The following U2SURP variants were observed in gnomAD, a reference collection of about 807,000 sequenced individuals.
The protein encoded by U2SURP is U2 snRNP-associated SURP motif-containing protein.
U2SURP carries 9 observed loss-of-function variants against 144.9 expected under a neutral mutation model. The ratio of observed to expected loss-of-function variants is 0.06; its 90% CI spans 0.04 to 0.11. U2SURP has a LOEUF of 0.11. Ranked by LOEUF, U2SURP falls within the 10% of genes least tolerant of loss-of-function variation. The pLI is 1.00. For missense variants in U2SURP, 724 were observed against 1,226.7 expected (o/e 0.59, Z 6.12); for synonymous variants, 408 against 396.8 (o/e 1.03, Z -0.33).
chr3:143,010,447 A>T lies in U2SURP; in HGVS notation c.46-368A>T, dbSNP rs1351583822. Among the ~76,000 whole-genome samples, 7 of 152,282 alleles carry T rather than the reference A, an allele frequency of 4.6e-5. No homozygotes were observed. The East Asian group carries it at 1.2e-3, about 25-fold the overall frequency. ...GAGAGTTCTCGTGCTGTGGACCAAG[A>T]AGTTGCTGGGCAGTGCTGTGGCAGT... On this transcript the variant is annotated intron_variant, in intron 1 of 27. Coordinates refer to ENST00000473835, the MANE Select transcript of U2SURP (RefSeq NM_001080415.2).
chr3:143,045,578 G>A (rs1016339587), intron 24 of U2SURP, among the ~76,000 whole-genome samples: 2 of 152,038 alleles, frequency 1.3e-5, no homozygotes, highest in African/African-American at 4.8e-5. Flanking sequence ...AACTTAGGTC[G>A]TTTTTACAAA....
chr3:143,033,312 T>G lies in U2SURP; in HGVS notation c.1815T>G (p.Ser605=). 6 of 1,543,824 alleles carry G rather than the reference T, an allele frequency of 3.9e-6. No homozygotes were observed. Among genetic ancestry groups the G allele is most frequent in the Non-Finnish European group, 5.3e-6 (6 of 1,140,778 alleles). ...LYLVSDVLYN[S]SAKVANASYY... ...TGGTTTCTGATGTTTTGTACAACTC[T>G]TCAGCCAAAGTTGCTAATGCTTCAT... The change falls in exon 18 of 28, where the codon TCT becomes TCG. Residue 605 remains serine (S), a synonymous_variant. Transcript: ENST00000473835.
intron 3 of U2SURP, among the ~76,000 whole-genome samples, chr3:143,013,926 G>A (rs568793485): frequency 3.9e-5 from 6 of 152,082 alleles, no homozygotes; most frequent in African/African-American, 1.4e-4. Context: ...CCATGGAAAT[G>A]TTTGCCTCCA....
intron 26 of U2SURP, 43 bp from the exon 27 acceptor site, chr3:143,054,900 C>T (rs906865782): frequency 4.0e-6 from 6 of 1,515,162 alleles, no homozygotes; most frequent in Middle Eastern, 3.5e-4. Context: ...AATACCCGAT[C>T]CTTTGCTCAT....
intron 12 of U2SURP, chr3:143,023,409 C>A (rs1379963453): frequency 3.1e-5 from 6 of 193,116 alleles, no homozygotes; most frequent in Middle Eastern, 2.2e-3. Context: ...ATTAGAAAGA[C>A]CTCCTAAGTA....
intron 7 of U2SURP, 132 bp from the exon 8 acceptor site, chr3:143,020,467 T>C: frequency 1.5e-6 from 1 of 650,654 alleles, no homozygotes; most frequent in South Asian, 2.0e-5. Context: ...CCCTCTAATC[T>C]TGGTTATCAG....
Position 143,037,240 on chromosome 3 carries a change from A to G in U2SURP, c.2126A>G (p.Glu709Gly). Residue 709 changes from glutamate to glycine, a missense_variant, in exon 21 of 28, where the codon GAA becomes GGA. Physicochemically the swap from Glu to Gly is moderately conservative, Grantham distance 98. This residue lies in a region of U2SURP where 116 missense variants were observed against 167.9 expected (regional missense o/e 0.69). Transcript: ENST00000473835. ...GAAGAGCTTGATGGTGCACCTCTGG[A>G]AGATGTAGATGGAATTCCTATTGAT... ...IEEELDGAPL[E>G]DVDGIPIDAT... The G allele has an allele frequency of 6.2e-7, 1 of 1,612,724 alleles. No individual in the cohort carries two copies. The highest frequency in any genetic ancestry group is 8.5e-7 in the Non-Finnish European group (1 of 1,179,322).
chr3:143,010,128 A>G (rs939961669), intron 1 of U2SURP, among the ~76,000 whole-genome samples: 2 of 152,224 alleles, frequency 1.3e-5, no homozygotes, highest in African/African-American at 4.8e-5. Context: ...TTGTCTTTAC[A>G]TGTGTAGTGG....
intron 25 of U2SURP, among the ~76,000 whole-genome samples, chr3:143,051,310 A>G (rs1348913073): frequency 1.3e-5 from 2 of 152,232 alleles, no homozygotes; most frequent in Non-Finnish European, 2.9e-5. Context: ...CATGCTTTCA[A>G]AACTGGAAAA....
chr3:143,030,355 A>G (rs778261370), intron 16 of U2SURP, among the ~76,000 whole-genome samples: 3 of 152,252 alleles, frequency 2.0e-5, no homozygotes, highest in Non-Finnish European at 2.9e-5. Context: ...TTAAGAATTT[A>G]TGCTAAATCA....
Position 143,032,771 on chromosome 3 carries a change from A to C in U2SURP, c.1611-13A>C. The C allele has an allele frequency of 1.9e-6, 3 of 1,601,930 alleles. No individual in the cohort carries two copies. The highest frequency in any genetic ancestry group is 1.7e-6 in the Non-Finnish European group (2 of 1,175,418). On this transcript the variant is annotated splice_polypyrimidine_tract_variant and intron_variant, in intron 16 of 27. Transcript: ENST00000473835. ...TATCTAAATATTTATAAGTTAAAAC[A>C]ATTTATGTTCAGACAGAGGGATAAA... is the stretch of plus-strand genomic sequence containing the variant.
chr3:143,008,043 G>T (rs1935935070), intron 1 of U2SURP, among the ~76,000 whole-genome samples: 1 of 152,246 alleles, frequency 6.6e-6, no homozygotes, highest in South Asian at 2.1e-4. Flanking sequence ...GACATCTTAA[G>T]CTAACTGAAA....
Position 143,060,636 on chromosome 3 carries a change from A to T in U2SURP, c.*4186A>T, listed in dbSNP as rs1935331856. On this transcript the variant is annotated 3_prime_UTR_variant, in exon 28 of 28. Coordinates refer to ENST00000473835, the MANE Select transcript of U2SURP (RefSeq NM_001080415.2). ...TTTTTAGCAGCTTTCTCTCAAGTGAAATAAGTGATGTGACATGTTTATCAG... is the reference window on the plus strand; with the variant it reads ...TTTTTAGCAGCTTTCTCTCAAGTGATATAAGTGATGTGACATGTTTATCAG... 6.6e-6 allele frequency: 1 copy of T among 152,064 alleles called. No homozygotes were observed. The highest frequency in any genetic ancestry group is 1.5e-5 in the Non-Finnish European group (1 of 67,906). The allele number at this position is 152,064 out of a possible 1,614,324, so 9.4% of individuals were successfully genotyped here.
intron 24 of U2SURP, among the ~76,000 whole-genome samples, chr3:143,049,265 CAAAAAA>C (rs200930787): frequency 7.4e-5 from 6 of 81,518 alleles, no homozygotes; most frequent in African/African-American, 2.5e-4. Context: ...GACTCCATCT[CAAAAAA>C]AAAAAAAAAA....
intron 1 of U2SURP, among the ~76,000 whole-genome samples, chr3:143,008,989 C>G (rs995859778): frequency 1.3e-5 from 2 of 152,170 alleles, no homozygotes; most frequent in African/African-American, 4.8e-5. Context: ...ATCCACCCGC[C>G]TCGGCCTCCC....
At chr3:143,016,497 A>G (rs1212793305) in intron 5 of U2SURP, 126 bp downstream of exon 5, 3 of 844,912 alleles carry the variant, frequency 3.6e-6, no homozygotes, top group Non-Finnish European at 5.5e-6. Context: ...TTTGAATTTT[A>G]CATTTTCTAT....
At chr3:143,045,366 C>CCA (rs1934376365) in intron 24 of U2SURP, among the ~76,000 whole-genome samples, 4 of 75,424 alleles carry the variant, frequency 5.3e-5, no homozygotes, top group African/African-American at 2.1e-4. Context: ...GAGACGCCGT[C>CCA]AAAAAAAAAA....
At chr3:143,047,587 A>T (rs1295186642) in intron 24 of U2SURP, among the ~76,000 whole-genome samples, 1 of 24,054 alleles carries the variant, frequency 4.2e-5, no homozygotes, top group African/African-American at 2.2e-4. Context: ...GACCCCCCCC[A>T]CCTCCCTCCC....
At chr3:143,013,875 T>C (rs188657130) in intron 3 of U2SURP, among the ~76,000 whole-genome samples, 13 of 152,156 alleles carry the variant, frequency 8.5e-5, no homozygotes, top group African/African-American at 2.9e-4. Flanking sequence ...ATTTATAATA[T>C]GTAAAATGAG....
Sources: gnomAD v4.1 joint callset for allele counts (sites outside exome capture counted in the v4.1 genomes callset) on GRCh38, gnomAD v4.1.1 for gene constraint, gnomAD v4.1.1 regional missense constraint, MANE v1.5 for transcripts, NCBI Gene and HGNC (gene_info 2026-07-23, HGNC 2026-07-21) for gene names.